The following IGFL4 variants were observed in gnomAD, a reference collection of about 807,000 sequenced individuals.
IGFL4 encodes the protein insulin growth factor-like family member 4.
A neutral mutation model predicts 15.4 loss-of-function variants in IGFL4; 12 were observed. The ratio of observed to expected loss-of-function variants is 0.78; its 90% CI spans 0.50 to 1.26. The LOEUF (loss-of-function observed/expected upper bound fraction) is 1.26. IGFL4 is among the 50% of genes most tolerant of loss of function. IGFL4 has a pLI of 0.00. For missense variants in IGFL4, 126 were observed against 147.8 expected (o/e 0.85, Z 0.76); for synonymous variants, 54 against 55.9 (o/e 0.97, Z 0.16).
upstream of IGFL4, among the ~76,000 whole-genome samples, chr19:46,044,958 C>T (rs886076356): frequency 5.9e-5 from 9 of 152,130 alleles, no homozygotes; most frequent in African/African-American, 2.2e-4. Context: ...CCCACAGAAA[C>T]CTCATTCAAA....
At chr19:46,059,774 T>G (rs1969427540) in intron 2 of IGFL4, 1 of 152,196 alleles carries the variant, frequency 6.6e-6, no homozygotes, top group Admixed American at 6.5e-5. Flanking sequence ...GCTTTTAAAA[T>G]TGACTTTGAT....
At position 46,040,550 on chromosome 19, in the gene IGFL4, T is replaced by G; in HGVS notation, c.38A>C (p.Glu13Ala). The change falls in exon 2 of 4, where the codon GAA becomes GCA. Residue 13 changes from glutamate to alanine, a missense_variant. Coordinates refer to ENST00000377697, the MANE Select transcript of IGFL4 (RefSeq NM_001002923.3). The surrounding 1 kb of genome is among the most constrained non-coding windows in gnomAD (Gnocchi z 4.1). ...TCCTTCTGAGTTTGAACCCAAAAGT[T>G]CAAAAATGAAGATGGCAGCTGAGAA... ...PRISAAIFIFELLGSNSEGVT... is the reference protein window; with the variant it reads ...PRISAAIFIFALLGSNSEGVT... 6.2e-7 allele frequency: 1 copy of G among 1,613,976 alleles called. No individual in the cohort carries two copies.
At position 46,048,401 on chromosome 19, in the gene IGFL4, T is replaced by C. The variant is rs540672172; in HGVS notation, c.-322-7291A>G. Among the ~76,000 whole-genome samples, 10 of 152,226 alleles carry C rather than the reference T, an allele frequency of 6.6e-5. No homozygotes were observed. The South Asian group carries it at 2.1e-3, about 32-fold the overall frequency. ...CTCTCACCACTCCTATTCAACATAG[T>C]ATTGGAAGTTCTGGCCAGGGCAATT... On this transcript the variant is annotated intron_variant, in intron 2 of 5. Transcript: ENST00000601672.
chr19:46,049,682 G>A (rs1568711974), intron 2 of IGFL4, among the ~76,000 whole-genome samples: 1 of 152,004 alleles, frequency 6.6e-6, no homozygotes, highest in African/African-American at 2.4e-5. Context: ...TTTCTCTATC[G>A]GCCCTGGGAG....
At chr19:46,044,210 C>T (rs61342719), upstream of IGFL4, among the ~76,000 whole-genome samples, 9,996 of 152,224 alleles carry the variant, frequency 0.066, 503 homozygotes, top group East Asian at 0.21. Context: ...CATAAGCCCA[C>T]GCCCAGAGAT....
chr19:46,054,781 A>G (rs1969378257), intron 2 of IGFL4, among the ~76,000 whole-genome samples: 1 of 152,204 alleles, frequency 6.6e-6, no homozygotes, highest in Non-Finnish European at 1.5e-5. Context: ...GATGAATGTG[A>G]GGAAAACAGT....
intron 2 of IGFL4, among the ~76,000 whole-genome samples, chr19:46,050,654 C>G: frequency 6.6e-6 from 1 of 152,140 alleles, no homozygotes; most frequent in East Asian, 1.9e-4. Context: ...ACAAAGTCTC[C>G]TAGAAGTTTG....
chr19:46,041,025 A>G, upstream of IGFL4: 1 of 1,466,298 alleles, frequency 6.8e-7, no homozygotes, highest in East Asian at 2.4e-5. Flanking sequence ...GACTTTACAT[A>G]GGGGCTTATA....
intron 1 of IGFL4, among the ~76,000 whole-genome samples, chr19:46,065,742 G>C (rs955531850): frequency 3.3e-5 from 5 of 152,236 alleles, no homozygotes; most frequent in Admixed American, 6.5e-5. Flanking sequence ...GAAATGTGGA[G>C]CACAATGATT....
At chr19:46,044,014 G>GT (rs1195564906), upstream of IGFL4, among the ~76,000 whole-genome samples, 1 of 152,130 alleles carries the variant, frequency 6.6e-6, no homozygotes, top group East Asian at 1.9e-4. Flanking sequence ...AAATATACAG[G>GT]TTGTCACTCT....
At chr19:46,043,739 G>GA (rs956639252), upstream of IGFL4, among the ~76,000 whole-genome samples, 56 of 148,948 alleles carry the variant, frequency 3.8e-4, no homozygotes, top group African/African-American at 8.1e-4. Context: ...GCATGCATAT[G>GA]AAAAAAAAAA....
intron 2 of IGFL4, among the ~76,000 whole-genome samples, chr19:46,052,107 A>C (rs923605047): frequency 1.3e-5 from 2 of 152,208 alleles, no homozygotes; most frequent in Non-Finnish European, 2.9e-5. Context: ...GAAACAATGG[A>C]CTTAAGCTAT....
upstream of IGFL4, chr19:46,041,123 T>C (rs1969239105): frequency 1.6e-6 from 1 of 633,384 alleles, no homozygotes; most frequent in Non-Finnish European, 2.7e-6. Context: ...GCAGGGAACA[T>C]AAATAATTCA....
At chr19:46,071,842 A>C (rs1357159503) in intron 1 of IGFL4, among the ~76,000 whole-genome samples, 1 of 152,238 alleles carries the variant, frequency 6.6e-6, no homozygotes, top group Non-Finnish European at 1.5e-5. Context: ...CCTGGGCAAC[A>C]TGGTGAAACT....
chr19:46,044,221 T>G (rs1160264077), upstream of IGFL4, among the ~76,000 whole-genome samples: 1 of 152,222 alleles, frequency 6.6e-6, no homozygotes, highest in East Asian at 1.9e-4. Flanking sequence ...GCCCAGAGAT[T>G]TGGGTCCAAT....
At chr19:46,056,412 C>G (rs911352245) in intron 2 of IGFL4, among the ~76,000 whole-genome samples, 2 of 152,172 alleles carry the variant, frequency 1.3e-5, no homozygotes, top group Admixed American at 6.5e-5. Flanking sequence ...CCTCAGGAGG[C>G]TCATACTGGA....
At chr19:46,044,424 G>A (rs568590574), upstream of IGFL4, among the ~76,000 whole-genome samples, 3 of 152,226 alleles carry the variant, frequency 2.0e-5, no homozygotes, top group South Asian at 6.2e-4. Context: ...CACCTCACAA[G>A]TTAAGACCCA....
At chr19:46,044,361 G>C (rs2146511162), upstream of IGFL4, among the ~76,000 whole-genome samples, 1 of 152,188 alleles carries the variant, frequency 6.6e-6, no homozygotes, top group East Asian at 1.9e-4. Context: ...TCTATGAAGG[G>C]GGCTGAATCC....
rs139386949 is a variant in IGFL4 at position 46,072,370 on chromosome 19, C to G, written c.-432+4650G>C. Among the ~76,000 whole-genome samples, 503 of 152,230 alleles carry G rather than the reference C, an allele frequency of 3.3e-3. 1 individual carries two copies. The highest frequency in any genetic ancestry group is 0.031 in the Middle Eastern group (9 of 294). On this transcript the variant is annotated intron_variant, in intron 1 of 5. Transcript: ENST00000601672. ...GCATCAGTGAAGAAGTGCGAGCCCC[C>G]CAAATCCACGTGGGGTCCACCAAAG...
Sources: gnomAD v4.1 joint callset for allele counts (sites outside exome capture counted in the v4.1 genomes callset) on GRCh38, gnomAD v4.1.1 for gene constraint, Gnocchi (gnomAD v3.1) non-coding constraint, MANE v1.5 for transcripts, NCBI Gene and HGNC (gene_info 2026-07-23, HGNC 2026-07-21) for gene names.